Variants in MEGF10 observed in about 807,000 individuals in gnomAD.
MEGF10 encodes multiple epidermal growth factor-like domains protein 10.
MEGF10 carries 86 observed loss-of-function variants against 147.5 expected under a neutral mutation model. The ratio of observed to expected loss-of-function variants is 0.58; its 90% CI spans 0.49 to 0.70. The LOEUF (loss-of-function observed/expected upper bound fraction) is 0.70. Ranked by LOEUF, MEGF10 falls within the 30% of genes least tolerant of loss-of-function variation. The probability of loss-of-function intolerance (pLI) is 0.00; values close to 1 mark genes in which losing one functional copy is unlikely to be tolerated. For synonymous variants in MEGF10, 478 were observed against 525.5 expected, an observed-to-expected ratio of 0.91 and a Z score of 1.24; for missense variants, 1,329 against 1,487.3, an observed-to-expected ratio of 0.89 and a Z score of 1.75.
chr5:127,343,485 G>A lies in MEGF10; in HGVS notation c.319+2855G>A, dbSNP rs141315247. 2.0e-3 allele frequency among the ~76,000 whole-genome samples: 300 copies of A among 152,116 alleles called. 1 individual carries two copies. Among genetic ancestry groups the A allele is most frequent in the African/African-American group, 6.7e-3 (277 of 41,522 alleles). ...CACCCTCTTTCCACAGCTTTCTGAG[G>A]TTTCCTGTGGGGACCTGACCGGCTG... On this transcript the variant is annotated intron_variant, in intron 4 of 24. Transcript: ENST00000503335.
chr5:127,412,765 C>A (rs1490830831), intron 9 of MEGF10, among the ~76,000 whole-genome samples: 1 of 152,090 alleles, frequency 6.6e-6, no homozygotes, highest in Non-Finnish European at 1.5e-5. Context: ...TGATTTTTTG[C>A]TTGACTATGT....
chr5:127,309,693 A>G (rs1268393127), intron 1 of MEGF10, among the ~76,000 whole-genome samples: 2 of 152,176 alleles, frequency 1.3e-5, no homozygotes, highest in African/African-American at 2.4e-5. Context: ...TCATTCATTA[A>G]TGGACATATG....
chr5:127,390,809 A>G (rs1763621398), intron 5 of MEGF10, among the ~76,000 whole-genome samples: 1 of 152,038 alleles, frequency 6.6e-6, no homozygotes, highest in African/African-American at 2.4e-5. Context: ...GGAGAGAGTG[A>G]AATATAGTGG....
At chr5:127,431,361 C>T (rs984972115) in intron 13 of MEGF10, among the ~76,000 whole-genome samples, 2 of 152,100 alleles carry the variant, frequency 1.3e-5, no homozygotes, top group Non-Finnish European at 2.9e-5. Flanking sequence ...TACTTTTGAC[C>T]TAAAGTGTAC....
chr5:127,331,452 A>C (rs767358443), intron 2 of MEGF10, 28 bp downstream of exon 2: 4 of 1,307,242 alleles, frequency 3.1e-6, no homozygotes, highest in Admixed American at 1.8e-5. Context: ...AGCCTGACAA[A>C]GAATTGCTGA....
chr5:127,303,096 G>A (rs1477647866), intron 1 of MEGF10, among the ~76,000 whole-genome samples: 4 of 152,066 alleles, frequency 2.6e-5, no homozygotes, highest in African/African-American at 7.2e-5. Flanking sequence ...TAGCACTTTG[G>A]GAGGCCAAGG....
chr5:127,362,581 G>A (rs1443383189), intron 4 of MEGF10, among the ~76,000 whole-genome samples: 3 of 151,860 alleles, frequency 2.0e-5, no homozygotes, highest in Admixed American at 6.6e-5. Flanking sequence ...TGCCAGGATG[G>A]TCTCCATCTC....
chr5:127,247,383 GAAGAAGAAGAAGAAGAAGAAGAAGAAGAA>G, the MEGF10 span, among the ~76,000 whole-genome samples: 2 of 18,290 alleles, frequency 1.1e-4, no homozygotes, highest in African/African-American at 5.3e-4. Flanking sequence ...AGAAGAAGAA[GAAGAAGAAGAAGAAGAAGAAGAAGAAGAA>G]GAAGAAGAAG....
chr5:127,265,624 G>C, the MEGF10 span, among the ~76,000 whole-genome samples: 2 of 151,978 alleles, frequency 1.3e-5, no homozygotes, highest in Non-Finnish European at 2.9e-5. Flanking sequence ...AACTGGTGTG[G>C]TATGGTATCT....
chr5:127,379,217 G>C (rs932770522), intron 5 of MEGF10, among the ~76,000 whole-genome samples: 1 of 151,970 alleles, frequency 6.6e-6, no homozygotes, highest in East Asian at 1.9e-4. Context: ...ACTGGTGATC[G>C]CGGTAGTCTC....
intron 5 of MEGF10, among the ~76,000 whole-genome samples, chr5:127,377,390 G>A (rs72788579): frequency 0.018 from 2,778 of 152,116 alleles, 48 homozygotes; most frequent in Middle Eastern, 0.054. Flanking sequence ...CTTGTCCCTC[G>A]GGCTCTTTGC....
intron 5 of MEGF10, among the ~76,000 whole-genome samples, chr5:127,394,069 C>T (rs1043737281): frequency 2.0e-5 from 3 of 152,070 alleles, no homozygotes; most frequent in African/African-American, 4.8e-5. Flanking sequence ...AATAACCCAC[C>T]GTGATTTTTA....
At chr5:127,358,508 T>TC (rs34817464) in intron 4 of MEGF10, among the ~76,000 whole-genome samples, 18,662 of 152,132 alleles carry the variant, frequency 0.12, 1,325 homozygotes, top group African/African-American at 0.2. Flanking sequence ...TAAAAGAATT[T>TC]ATGGCTCCAT....
chr5:127,290,162 G>C (rs572141546), upstream of MEGF10, among the ~76,000 whole-genome samples: 1 of 152,102 alleles, frequency 6.6e-6, no homozygotes, highest in Non-Finnish European at 1.5e-5. Context: ...GACCTGGGGG[G>C]ATTTTCCTGC....
chr5:127,460,220 A>G lies in MEGF10; in HGVS notation c.*2902A>G, dbSNP rs1478497585. 1 of 152,218 alleles carries G rather than the reference A, an allele frequency of 6.6e-6. No homozygotes were observed. Among genetic ancestry groups the G allele is most frequent in the African/African-American group, 2.4e-5 (1 of 41,472 alleles). 9.4% of individuals were successfully genotyped at this position (152,218 alleles called of 1,614,324 possible). ...TTATTCCTTCCTTAGAAGTTGATGT[A>G]TCAGAAAATTTATAAGTTATTTGTA... On this transcript the variant is annotated 3_prime_UTR_variant, in exon 25 of 25. Coordinates refer to ENST00000503335, the MANE Select transcript of MEGF10 (RefSeq NM_001256545.2).
rs538738477 is a variant in MEGF10, at chr5:127,362,073, A to T, written c.320-7837A>T. The stretch of plus-strand genomic sequence containing the variant: ...TTTCAAATCTACTATATCTTTTCTT[A>T]TTTTCTTTTTAATAGTTCTATCAAT... On this transcript the variant is annotated intron_variant, in intron 4 of 24. Transcript: ENST00000503335. Among the ~76,000 whole-genome samples the T allele has an allele frequency of 2.6e-5, 4 of 151,750 alleles. No homozygotes were observed. In the South Asian group the frequency reaches 6.2e-4, roughly 24 times the overall value.
intron 1 of MEGF10, among the ~76,000 whole-genome samples, chr5:127,315,377 G>A (rs548159039): frequency 4.6e-5 from 7 of 152,010 alleles, no homozygotes; most frequent in Non-Finnish European, 8.8e-5. Flanking sequence ...AAACACTTAT[G>A]TACATTTGGG....
chr5:127,275,436 T>C, the MEGF10 span, among the ~76,000 whole-genome samples: 1 of 152,330 alleles, frequency 6.6e-6, no homozygotes, highest in Non-Finnish European at 1.5e-5. Context: ...GCTTATCTCA[T>C]GGGACTTTGT....
chr5:127,395,444 A>G (rs67200948), intron 5 of MEGF10, among the ~76,000 whole-genome samples: 25,377 of 151,448 alleles, frequency 0.17, 2,251 homozygotes, highest in African/African-American at 0.23. Context: ...TAAATATGTC[A>G]ATATATTTAA....
Sources: gnomAD v4.1 joint callset for allele counts (sites outside exome capture counted in the v4.1 genomes callset) on GRCh38, gnomAD v4.1.1 for gene constraint, MANE v1.5 for transcripts, NCBI Gene and HGNC (gene_info 2026-07-23, HGNC 2026-07-21) for gene names.